Variants in ZNF565 observed in about 807,000 individuals in gnomAD.
The protein encoded by ZNF565 is zinc finger protein 565.
A neutral mutation model predicts 39.4 loss-of-function variants in ZNF565; 27 were observed. The ratio of observed to expected loss-of-function variants is 0.69; its 90% CI spans 0.51 to 0.95. The LOEUF (loss-of-function observed/expected upper bound fraction) is 0.95, where lower values mean the gene tolerates loss of function less well. Among genes scored for constraint, ZNF565 ranks in the 40% least tolerant of loss-of-function variants. The probability of loss-of-function intolerance (pLI) is 0.00; values close to 1 mark genes in which losing one functional copy is unlikely to be tolerated. For synonymous variants in ZNF565, 185 were observed against 216.6 expected (o/e 0.85, Z 1.28); for missense variants, 524 against 621.1 (o/e 0.84, Z 1.66).
At chr19:36,215,188 A>G (rs972445580), upstream of ZNF565, 2 of 151,914 alleles carry the variant, frequency 1.3e-5, no homozygotes, top group Admixed American at 1.3e-4. Context: ...CGTGGCGCGA[A>G]AGTAGGAGGT....
intron 2 of ZNF565, among the ~76,000 whole-genome samples, chr19:36,200,090 A>G (rs1465028936): frequency 2.0e-5 from 3 of 152,000 alleles, no homozygotes; most frequent in Admixed American, 6.6e-5. Flanking sequence ...CAGTGATGCA[A>G]TCTTGGCTCA....
intron 1 of ZNF565, among the ~76,000 whole-genome samples, chr19:36,229,979 C>CA (rs1408851847): frequency 6.6e-6 from 1 of 152,230 alleles, no homozygotes; most frequent in Admixed American, 6.5e-5. Context: ...CTCGGCCTCT[C>CA]AAAGTGCTGG....
At chr19:36,232,538 C>T (rs776819455) in intron 1 of ZNF565, among the ~76,000 whole-genome samples, 1 of 151,676 alleles carries the variant, frequency 6.6e-6, no homozygotes. Context: ...AGTTTGAGAA[C>T]GCATGAGTTG....
chr19:36,215,981 TG>T (rs1312089085), upstream of ZNF565, among the ~76,000 whole-genome samples: 1 of 152,200 alleles, frequency 6.6e-6, no homozygotes, highest in African/African-American at 2.4e-5. Context: ...GTATGGATTT[TG>T]TGAAGTAATG....
chr19:36,223,197 A>G (rs1976926893), intron 1 of ZNF565, among the ~76,000 whole-genome samples: 1 of 151,784 alleles, frequency 6.6e-6, no homozygotes, highest in Non-Finnish European at 1.5e-5. Flanking sequence ...CGGGTAGATC[A>G]CTTGAGGTCA....
At chr19:36,226,982 C>T (rs2145425633) in intron 1 of ZNF565, among the ~76,000 whole-genome samples, 1 of 152,114 alleles carries the variant, frequency 6.6e-6, no homozygotes, top group Admixed American at 6.5e-5. Context: ...GCTCCGGAGG[C>T]TGAGACAGGA....
chr19:36,206,563 G>C (rs1976163381), intron 1 of ZNF565, among the ~76,000 whole-genome samples: 1 of 152,208 alleles, frequency 6.6e-6, no homozygotes. Flanking sequence ...AGGCACAGTG[G>C]CTCATGCCTG....
intron 1 of ZNF565, among the ~76,000 whole-genome samples, chr19:36,228,174 A>AAAAAAAG (rs1555742407): frequency 6.9e-6 from 1 of 144,220 alleles, no homozygotes; most frequent in African/African-American, 2.6e-5. Context: ...AAAAAAAAAA[A>AAAAAAAG]AAAGAAAGAA....
intron 1 of ZNF565, among the ~76,000 whole-genome samples, chr19:36,233,921 C>G (rs868040519): frequency 1.3e-5 from 2 of 152,136 alleles, no homozygotes; most frequent in African/African-American, 2.4e-5. Flanking sequence ...TTACGGGTGT[C>G]GGACTGGGGG....
intron 4 of ZNF565, among the ~76,000 whole-genome samples, chr19:36,185,859 A>G (rs1017501043): frequency 6.7e-6 from 1 of 149,882 alleles, no homozygotes; most frequent in Non-Finnish European, 1.5e-5. Flanking sequence ...ATGCCTGGGT[A>G]ATTTTTGCTT....
At chr19:36,190,092 A>G (rs897399645) in intron 4 of ZNF565, among the ~76,000 whole-genome samples, 1 of 152,032 alleles carries the variant, frequency 6.6e-6, no homozygotes, top group East Asian at 1.9e-4. Context: ...CTGGTCTCCC[A>G]AAGTGCTGGG....
chr19:36,223,522 C>G (rs1297227223), intron 1 of ZNF565, among the ~76,000 whole-genome samples: 1 of 151,858 alleles, frequency 6.6e-6, no homozygotes, highest in African/African-American at 2.4e-5. Flanking sequence ...GCCACCACGC[C>G]TGGTTAATTT....
At chr19:36,242,096 G>A (rs1977810662) in intron 1 of ZNF565, among the ~76,000 whole-genome samples, 1 of 152,166 alleles carries the variant, frequency 6.6e-6, no homozygotes, top group Non-Finnish European at 1.5e-5. Flanking sequence ...TCAACATGCA[G>A]AATGGGAGAA....
rs564082113 is a variant in ZNF565 at position 36,227,047 on chromosome 19, C to T, written c.55+18429G>A. Among the ~76,000 whole-genome samples, 24 of 146,780 alleles carry T rather than the reference C, an allele frequency of 1.6e-4. No individual in the cohort carries two copies. In the South Asian group the frequency reaches 4.6e-3, roughly 28 times the overall value. On this transcript the variant is annotated intron_variant, in intron 1 of 4. Coordinates refer to the ZNF565 transcript ENST00000355114. ...GCAGTGAGCCGAGATCGCACCACTGCGCTCCAGCCTGGGCAACAAGAGTAA... is the reference window on the plus strand; with the variant it reads ...GCAGTGAGCCGAGATCGCACCACTGTGCTCCAGCCTGGGCAACAAGAGTAA...
chr19:36,245,489 G>C lies in ZNF565; in HGVS notation c.42C>G (p.His14Gln). The C allele has an allele frequency of 1.4e-6, 1 of 702,232 alleles. No homozygotes were observed. Among genetic ancestry groups the C allele is most frequent in the Non-Finnish European group, 2.6e-6 (1 of 384,792 alleles). The allele number at this position is 702,232 out of a possible 1,614,324, so 43.5% of individuals were successfully genotyped here. ...CTAGGAGGTTACCTGCGTCCAGGCG[G>C]TGACTTGCGAGGGACCACCTTTCCC... The change falls in exon 1 of 5, where the codon CAC becomes CAG. Residue 14 changes from histidine to glutamine, a missense_variant. Physicochemically the swap from His to Gln is conservative, Grantham distance 24. Coordinates refer to the ZNF565 transcript ENST00000355114. The surrounding 1 kb of genome is among the most constrained non-coding windows in gnomAD (Gnocchi z 4.4).
At chr19:36,234,767 G>A (rs1977574255) in intron 1 of ZNF565, among the ~76,000 whole-genome samples, 2 of 152,172 alleles carry the variant, frequency 1.3e-5, no homozygotes. Context: ...TTTAATCTCT[G>A]ATTTCCGTAT....
At chr19:36,206,407 A>C (rs1976155005) in intron 1 of ZNF565, among the ~76,000 whole-genome samples, 1 of 152,040 alleles carries the variant, frequency 6.6e-6, no homozygotes, top group South Asian at 2.1e-4. Flanking sequence ...TCAGCAGCTC[A>C]AGACCAGCCT....
chr19:36,220,670 A>C (rs933575965), intron 1 of ZNF565, among the ~76,000 whole-genome samples: 6 of 152,140 alleles, frequency 3.9e-5, no homozygotes, highest in Admixed American at 2.6e-4. Flanking sequence ...CCGGCCTCCT[A>C]GTTGTATTTT....
chr19:36,209,411 C>T (rs1350053917), intron 1 of ZNF565, among the ~76,000 whole-genome samples: 1 of 152,122 alleles, frequency 6.6e-6, no homozygotes, highest in Non-Finnish European at 1.5e-5. Context: ...GGGAAAATTG[C>T]TTGAACCCGA....
Sources: gnomAD v4.1 joint callset for allele counts (sites outside exome capture counted in the v4.1 genomes callset) on GRCh38, gnomAD v4.1.1 for gene constraint, Gnocchi (gnomAD v3.1) non-coding constraint, MANE v1.5 for transcripts, NCBI Gene and HGNC (gene_info 2026-07-23, HGNC 2026-07-21) for gene names.